Variants in TOX3 observed in about 807,000 individuals in gnomAD.
TOX3 encodes CAG trinucleotide repeat-containing gene F9 protein.
TOX3 carries 22 observed loss-of-function variants against 64.3 expected under a neutral mutation model. The ratio of observed to expected loss-of-function variants is 0.34; its 90% CI spans 0.24 to 0.49. The LOEUF (loss-of-function observed/expected upper bound fraction) is 0.49, where lower values mean the gene tolerates loss of function less well. TOX3 is among the 20% of genes least tolerant of loss of function. The pLI is 0.99. For synonymous variants in TOX3, 291 were observed against 273.6 expected (o/e 1.06, Z -0.63); for missense variants, 661 against 714.4 (o/e 0.93, Z 0.85).
chr16:52,478,349 G>A (rs779780281), intron 1 of TOX3, among the ~76,000 whole-genome samples: 28 of 152,198 alleles, frequency 1.8e-4, no homozygotes, highest in Middle Eastern at 3.4e-3. Flanking sequence ...TCTTGCCTGG[G>A]CCACTCTCCC....
In TOX3 at chr16:52,438,809, AT is replaced by A. The variant is rs1959832591; in HGVS notation, c.*415del. On this transcript the variant is annotated 3_prime_UTR_variant, in exon 7 of 7. Coordinates refer to ENST00000219746, the MANE Select transcript of TOX3 (RefSeq NM_001080430.4). Reference sequence around the variant, plus strand: ...TCAGGTAGTTACAACTGTGCTTTTTATTTTTAGGGCTTCAGGAGTTCAGATA... The same window carrying A: ...TCAGGTAGTTACAACTGTGCTTTTTATTTTAGGGCTTCAGGAGTTCAGATA... 1 of 352,088 alleles carries A rather than the reference AT, an allele frequency of 2.8e-6. No homozygotes were observed. Among genetic ancestry groups the A allele is most frequent in the East Asian group, 6.9e-5 (1 of 14,556 alleles). 21.8% of individuals were successfully genotyped at this position (352,088 alleles called of 1,614,324 possible). A position where few individuals can be genotyped will look rare whatever the true frequency, so the allele number is the denominator to read the frequency against.
intron 3 of TOX3, among the ~76,000 whole-genome samples, chr16:52,453,138 G>A (rs766373791): frequency 6.6e-6 from 1 of 150,628 alleles, no homozygotes; most frequent in Non-Finnish European, 1.5e-5. Context: ...TGGTAATTAC[G>A]CCATCTAGCT....
chr16:52,508,240 T>C (rs1962213286), intron 1 of TOX3, among the ~76,000 whole-genome samples: 1 of 152,238 alleles, frequency 6.6e-6, no homozygotes, highest in African/African-American at 2.4e-5. Flanking sequence ...ATTAAATTCA[T>C]ACAACCATTC....
At chr16:52,458,291 T>C (rs1389150761) in intron 3 of TOX3, among the ~76,000 whole-genome samples, 1 of 152,146 alleles carries the variant, frequency 6.6e-6, no homozygotes, top group Non-Finnish European at 1.5e-5. Flanking sequence ...CTTGCCTTCC[T>C]GGAGCTTCTA....
At chr16:52,458,925 G>C (rs1257430465) in intron 3 of TOX3, among the ~76,000 whole-genome samples, 1 of 152,122 alleles carries the variant, frequency 6.6e-6, no homozygotes, top group African/African-American at 2.4e-5. Context: ...GCAGCAGTCA[G>C]ATTGAATCTC....
chr16:52,507,855 A>G lies in TOX3; in HGVS notation c.87+38782T>C, dbSNP rs951610624. 3.9e-5 allele frequency among the ~76,000 whole-genome samples: 6 copies of G among 152,314 alleles called. No individual in the cohort carries two copies. In the East Asian group the frequency reaches 5.8e-4, roughly 15 times the overall value. ...TTTTTTAGAATTTCTAGATTACATT[A>G]TTTGAAAGTAAATAATGGCTTCAAA... On this transcript the variant is annotated intron_variant, in intron 1 of 6. Transcript: ENST00000219746.
chr16:52,456,062 C>T (rs555732844), intron 3 of TOX3, among the ~76,000 whole-genome samples: 15 of 152,200 alleles, frequency 9.9e-5, no homozygotes, highest in African/African-American at 3.6e-4. Context: ...GTGACTGGGC[C>T]AGGAAGAGCA....
At chr16:52,501,477 G>T (rs967848696) in intron 1 of TOX3, among the ~76,000 whole-genome samples, 9 of 152,128 alleles carry the variant, frequency 5.9e-5, no homozygotes, top group African/African-American at 2.2e-4. Context: ...TTCGAGACCA[G>T]CCTGGCCAAC....
chr16:52,529,900 C>T (rs1395124430), intron 1 of TOX3, among the ~76,000 whole-genome samples: 1 of 152,180 alleles, frequency 6.6e-6, no homozygotes, highest in Non-Finnish European at 1.5e-5. Context: ...AAAGTGAAGC[C>T]TTAATCAGTG....
chr16:52,533,245 G>A lies in TOX3; in HGVS notation c.87+13392C>T, dbSNP rs73588837. ...GACCATCCATGCCAGCATCACTTGG[G>A]AATTTGTTAGCAATGCCCACTCTCA... is the stretch of plus-strand genomic sequence containing the variant. On this transcript the variant is annotated intron_variant, in intron 1 of 6. Transcript: ENST00000219746. 8.2e-3 allele frequency among the ~76,000 whole-genome samples: 1,251 copies of A among 152,224 alleles called. 20 individuals carry two copies. Among genetic ancestry groups the A allele is most frequent in the African/African-American group, 0.027 (1,132 of 41,532 alleles).
intron 3 of TOX3, among the ~76,000 whole-genome samples, chr16:52,456,663 A>G (rs921738019): frequency 2.0e-5 from 3 of 152,234 alleles, no homozygotes; most frequent in Admixed American, 6.5e-5. Flanking sequence ...TCTATTATTG[A>G]ACATTAATCA....
At chr16:52,497,807 T>C (rs1270966492) in intron 1 of TOX3, among the ~76,000 whole-genome samples, 3 of 152,120 alleles carry the variant, frequency 2.0e-5, no homozygotes, top group African/African-American at 7.2e-5. Flanking sequence ...TAGGGCCATA[T>C]CTTTAATATA....
intron 2 of TOX3, among the ~76,000 whole-genome samples, chr16:52,467,007 T>A (rs1391599574): frequency 6.6e-6 from 1 of 152,166 alleles, no homozygotes; most frequent in Non-Finnish European, 1.5e-5. Context: ...TACGTGATTA[T>A]TTTTTTACAG....
rs1316418417 is a variant in TOX3, at chr16:52,439,522, C to T, written c.1434G>A (p.Gln478=). ...GCATGTGGTGCTGGAAATGCTGCTG[C>T]TGCATCTGCTGCTGGATTTGCTGAT... ...QMHQQIQQQM[Q]QQHFQHHMQQ... The change falls in exon 7 of 7, where the codon CAG becomes CAA. Residue 478 remains glutamine (Q), a synonymous_variant. Transcript: ENST00000219746. The T allele has an allele frequency of 7.1e-7, 1 of 1,416,432 alleles. No individual in the cohort carries two copies. Among genetic ancestry groups the T allele is most frequent in the Admixed American group, 2.0e-5 (1 of 50,954 alleles). The allele number at this position is 1,416,432 out of a possible 1,614,324, so 87.7% of individuals were successfully genotyped here.
intron 1 of TOX3, among the ~76,000 whole-genome samples, chr16:52,487,349 C>T (rs1327132748): frequency 6.6e-6 from 1 of 151,612 alleles, no homozygotes; most frequent in Admixed American, 6.6e-5. Flanking sequence ...ATCCCTTCAT[C>T]ATGAATGGTG....
intron 1 of TOX3, among the ~76,000 whole-genome samples, chr16:52,492,383 C>T (rs1961711442): frequency 7.2e-6 from 1 of 138,172 alleles, no homozygotes; most frequent in South Asian, 2.3e-4. Context: ...ACCTCCATCC[C>T]ATCATCAACA....
At chr16:52,545,656 A>G (rs1005353316) in intron 1 of TOX3, among the ~76,000 whole-genome samples, 2 of 152,230 alleles carry the variant, frequency 1.3e-5, no homozygotes. Flanking sequence ...AAAGAAAACC[A>G]CATTCAAAAG....
intron 1 of TOX3, among the ~76,000 whole-genome samples, chr16:52,479,803 G>A (rs561179083): frequency 1.3e-5 from 2 of 152,072 alleles, no homozygotes; most frequent in Non-Finnish European, 2.9e-5. Context: ...TCCCAATATC[G>A]CTGGGAGGAA....
chr16:52,478,293 G>A (rs1412304785), intron 1 of TOX3, among the ~76,000 whole-genome samples: 1 of 152,114 alleles, frequency 6.6e-6, no homozygotes, highest in Admixed American at 6.5e-5. Flanking sequence ...ACACTGCACT[G>A]CCTGGTCCTC....
Sources: gnomAD v4.1 joint callset for allele counts (sites outside exome capture counted in the v4.1 genomes callset) on GRCh38, gnomAD v4.1.1 for gene constraint, MANE v1.5 for transcripts, NCBI Gene and HGNC (gene_info 2026-07-23, HGNC 2026-07-21) for gene names.